ARHGAP26: variants seen among roughly 807,000 people sequenced by gnomAD.
ARHGAP26 encodes Rho GTPase activating protein 26, also known as rho GTPase-activating protein 26.
ARHGAP26 carries 38 observed loss-of-function variants against 104.8 expected under a neutral mutation model. The observed-to-expected ratio is 0.36, with a 90% CI of 0.28 to 0.48. The LOEUF (loss-of-function observed/expected upper bound fraction) is 0.48, where lower values mean the gene tolerates loss of function less well. Among genes scored for constraint, ARHGAP26 ranks in the 20% least tolerant of loss-of-function variants. The pLI is 0.99. For synonymous variants in ARHGAP26, 341 were observed against 340.0 expected, an observed-to-expected ratio of 1.00 and a Z score of -0.03; for missense variants, 704 against 947.9, an observed-to-expected ratio of 0.74 and a Z score of 3.38.
At chr5:142,939,485 C>T (rs1399031657) in intron 11 of ARHGAP26, among the ~76,000 whole-genome samples, 1 of 152,220 alleles carries the variant, frequency 6.6e-6, no homozygotes, top group Non-Finnish European at 1.5e-5. Flanking sequence ...TCTCACCTTT[C>T]TCTACCGTGC....
intron 17 of ARHGAP26, among the ~76,000 whole-genome samples, chr5:143,104,851 T>G (rs2398611): frequency 6.6e-6 from 1 of 152,236 alleles, no homozygotes; most frequent in Non-Finnish European, 1.5e-5. Flanking sequence ...TATGAGTGTG[T>G]GTGTGTCTGA....
chr5:142,878,498 G>A (rs967084294), intron 3 of ARHGAP26, among the ~76,000 whole-genome samples: 2 of 151,972 alleles, frequency 1.3e-5, no homozygotes, highest in African/African-American at 4.8e-5. Flanking sequence ...GTGGCAAAGT[G>A]AGCCTTTACA....
At position 142,912,190 on chromosome 5, in the gene ARHGAP26, G is replaced by A. The variant is rs113071834; in HGVS notation, c.934-1009G>A. Among the ~76,000 whole-genome samples, 584 of 152,308 alleles carry A rather than the reference G, an allele frequency of 3.8e-3. 5 individuals carry two copies. Among genetic ancestry groups the A allele is most frequent in the African/African-American group, 0.013 (553 of 41,562 alleles). ...TAAACTAGTGCTATGAGATGAAATT[G>A]TCACATTCAGTTGAACAATGGAATA... On this transcript the variant is annotated intron_variant, in intron 9 of 22. Coordinates refer to ENST00000645722, the MANE Select transcript of ARHGAP26 (RefSeq NM_001135608.3).
chr5:142,861,106 C>T (rs1337946293), intron 1 of ARHGAP26, among the ~76,000 whole-genome samples: 1 of 152,168 alleles, frequency 6.6e-6, no homozygotes, highest in Non-Finnish European at 1.5e-5. Flanking sequence ...GAGTTCCTGC[C>T]TGGACTGGAA....
At chr5:143,196,761 A>G (rs1806900859) in intron 20 of ARHGAP26, among the ~76,000 whole-genome samples, 2 of 152,362 alleles carry the variant, frequency 1.3e-5, no homozygotes, top group South Asian at 4.1e-4. Context: ...ACTTGTTTAC[A>G]GTATGAGAGC....
At chr5:142,873,159 A>T (rs907443722) in intron 1 of ARHGAP26, among the ~76,000 whole-genome samples, 2 of 152,260 alleles carry the variant, frequency 1.3e-5, no homozygotes, top group East Asian at 3.8e-4. Flanking sequence ...TTTAGAAAGT[A>T]GAGATAGAAC....
intron 1 of ARHGAP26, among the ~76,000 whole-genome samples, chr5:142,780,571 G>C (rs1319023101): frequency 6.6e-6 from 1 of 152,186 alleles, no homozygotes; most frequent in Non-Finnish European, 1.5e-5. Flanking sequence ...TCCAGTTTGT[G>C]TGTATTGTTA....
At chr5:142,833,338 G>A (rs956305390) in intron 1 of ARHGAP26, among the ~76,000 whole-genome samples, 1 of 151,778 alleles carries the variant, frequency 6.6e-6, no homozygotes, top group Non-Finnish European at 1.5e-5. Flanking sequence ...TAGGATTACA[G>A]GCATGAGCCA....
chr5:143,068,990 A>G (rs1426633928), intron 17 of ARHGAP26, among the ~76,000 whole-genome samples: 1 of 151,990 alleles, frequency 6.6e-6, no homozygotes, highest in African/African-American at 2.4e-5. Flanking sequence ...CCAGGACACC[A>G]TACTCTCCTG....
intron 18 of ARHGAP26, among the ~76,000 whole-genome samples, chr5:143,129,519 A>AG (rs1797088509): frequency 6.6e-6 from 1 of 152,206 alleles, no homozygotes; most frequent in Admixed American, 6.5e-5. Context: ...TCAAATTAAT[A>AG]GTAGCTATAA....
At chr5:143,205,269 T>C (rs1382070748) in intron 20 of ARHGAP26, among the ~76,000 whole-genome samples, 5 of 152,162 alleles carry the variant, frequency 3.3e-5, no homozygotes, top group African/African-American at 9.7e-5. Context: ...TTGGCAAATA[T>C]CATTTATTGT....
intron 20 of ARHGAP26, chr5:143,203,161 T>C (rs1205232333): frequency 6.6e-6 from 1 of 151,878 alleles, no homozygotes; most frequent in African/African-American, 2.4e-5. Flanking sequence ...GGGAGAAAAT[T>C]TTTGCAATCT....
chr5:143,081,003 A>G (rs115453336), intron 17 of ARHGAP26, among the ~76,000 whole-genome samples: 2,972 of 152,178 alleles, frequency 0.02, 96 homozygotes, highest in African/African-American at 0.067. Flanking sequence ...GCTAGATGTG[A>G]TATGTGTAGG....
At chr5:142,907,305 A>G (rs1409750847) in intron 8 of ARHGAP26, 1 of 153,910 alleles carries the variant, frequency 6.5e-6, no homozygotes, top group Non-Finnish European at 1.4e-5. Context: ...GAATGGTCAC[A>G]AGCGCTTGGA....
Position 142,946,604 on chromosome 5 carries a change from A to G in ARHGAP26, c.1107+14479A>G, listed in dbSNP as rs557618519. 7 of 152,352 alleles carry G rather than the reference A, an allele frequency of 4.6e-5. No individual in the cohort carries two copies. The South Asian group carries it at 1.4e-3, about 32-fold the overall frequency. 9.4% of individuals were successfully genotyped at this position (152,352 alleles called of 1,614,324 possible). ...AAGTGGTAATATTTGTTAGTGATCAAATCAAAGATGATATTTAAAAACACA... is the reference window on the plus strand; with the variant it reads ...AAGTGGTAATATTTGTTAGTGATCAGATCAAAGATGATATTTAAAAACACA... On this transcript the variant is annotated intron_variant, in intron 11 of 22. Coordinates refer to ENST00000645722, the MANE Select transcript of ARHGAP26 (RefSeq NM_001135608.3).
At chr5:143,202,359 G>A (rs938801505) in intron 20 of ARHGAP26, 2 of 151,960 alleles carry the variant, frequency 1.3e-5, no homozygotes, top group Non-Finnish European at 2.9e-5. Flanking sequence ...ACTTACAAGG[G>A]ATATGAAGGA....
chr5:142,805,218 T>C (rs1210937643), intron 1 of ARHGAP26, among the ~76,000 whole-genome samples: 1 of 152,032 alleles, frequency 6.6e-6, no homozygotes, highest in Non-Finnish European at 1.5e-5. Context: ...TTCTCCTGCT[T>C]CAGCCTCCCA....
chr5:142,834,958 A>C (rs1157691141), intron 1 of ARHGAP26, among the ~76,000 whole-genome samples: 1 of 152,226 alleles, frequency 6.6e-6, no homozygotes, highest in Non-Finnish European at 1.5e-5. Context: ...TTGTTAATAC[A>C]GAGCTCTATA....
chr5:142,890,842 A>G (rs894602791), intron 5 of ARHGAP26, among the ~76,000 whole-genome samples: 1 of 152,236 alleles, frequency 6.6e-6, no homozygotes, highest in Non-Finnish European at 1.5e-5. Flanking sequence ...TCTAAAGAAG[A>G]TCAATGACTT....
Sources: gnomAD v4.1 joint callset for allele counts (sites outside exome capture counted in the v4.1 genomes callset) on GRCh38, gnomAD v4.1.1 for gene constraint, MANE v1.5 for transcripts, NCBI Gene and HGNC (gene_info 2026-07-23, HGNC 2026-07-21) for gene names.